The following NSMCE2 variants were observed in gnomAD, a reference collection of about 807,000 sequenced individuals.
NSMCE2 encodes NSE2 SUMO ligase component of SMC5/6 complex.
Under a neutral mutation model 23.8 loss-of-function variants are expected in NSMCE2, and 24 were observed. That is an observed-to-expected ratio of 1.01 (90% CI 0.73 to 1.42). The LOEUF (loss-of-function observed/expected upper bound fraction) is 1.42. Among genes scored for constraint, NSMCE2 ranks in the 40% most tolerant of loss-of-function variants. The pLI is 0.00. For missense variants in NSMCE2, 284 were observed against 296.5 expected, an observed-to-expected ratio of 0.96 and a Z score of 0.31; for synonymous variants, 92 against 94.1, an observed-to-expected ratio of 0.98 and a Z score of 0.13.
intron 5 of NSMCE2, chr8:125,182,879 T>C (rs1490245144): frequency 6.6e-6 from 1 of 152,274 alleles, no homozygotes; most frequent in Non-Finnish European, 1.5e-5. Flanking sequence ...TTTTAGACAG[T>C]ATTTACCAGA....
intron 3 of NSMCE2, among the ~76,000 whole-genome samples, chr8:125,118,576 T>C (rs190148626): frequency 2.0e-5 from 3 of 152,348 alleles, no homozygotes; most frequent in Admixed American, 6.5e-5. Context: ...ACACTTCTTA[T>C]GAAGTAGCTA....
At chr8:125,118,034 G>A (rs1034724801) in intron 3 of NSMCE2, among the ~76,000 whole-genome samples, 5 of 152,092 alleles carry the variant, frequency 3.3e-5, no homozygotes, top group Non-Finnish European at 7.3e-5. Flanking sequence ...AAACTTGAGG[G>A]TGCATCAGCA....
intron 5 of NSMCE2, among the ~76,000 whole-genome samples, chr8:125,353,756 G>A (rs1242067944): frequency 1.3e-5 from 2 of 151,728 alleles, no homozygotes; most frequent in African/African-American, 2.4e-5. Context: ...GGTGGTGGAC[G>A]CCTGTAGTCC....
intron 5 of NSMCE2, among the ~76,000 whole-genome samples, chr8:125,304,724 G>A (rs1828686601): frequency 6.6e-6 from 1 of 151,936 alleles, no homozygotes; most frequent in Non-Finnish European, 1.5e-5. Flanking sequence ...AGGCATGGTA[G>A]CATGGGCCTG....
At chr8:125,233,260 G>A (rs1274996538) in intron 5 of NSMCE2, among the ~76,000 whole-genome samples, 1 of 152,168 alleles carries the variant, frequency 6.6e-6, no homozygotes, top group Non-Finnish European at 1.5e-5. Flanking sequence ...TAATTTAGAA[G>A]TCAAAATCCA....
chr8:125,207,506 G>C (rs1424416024), intron 5 of NSMCE2, among the ~76,000 whole-genome samples: 1 of 151,668 alleles, frequency 6.6e-6, no homozygotes, highest in African/African-American at 2.4e-5. Context: ...ATTTTCAGTG[G>C]CTGTAGTTCA....
chr8:125,353,623 G>A (rs1475854051), intron 5 of NSMCE2, among the ~76,000 whole-genome samples: 2 of 152,142 alleles, frequency 1.3e-5, no homozygotes, highest in East Asian at 1.9e-4. Flanking sequence ...AGTGGCTCAC[G>A]CCTGTAATCC....
At chr8:125,215,917 T>G (rs1470726681) in intron 5 of NSMCE2, among the ~76,000 whole-genome samples, 1 of 152,240 alleles carries the variant, frequency 6.6e-6, no homozygotes, top group African/African-American at 2.4e-5. Flanking sequence ...ACCCTGTCTC[T>G]ACAAGAATTG....
chr8:125,182,241 G>T lies in NSMCE2; in HGVS notation c.403G>T (p.Glu135Ter). Residue 135 changes from glutamate (E) to a stop codon, truncating the protein, a stop_gained, in exon 5 of 8, where the codon GAA becomes TAA. Coordinates refer to ENST00000287437, the MANE Select transcript of NSMCE2 (RefSeq NM_173685.4). LOFTEE classifies it high-confidence loss of function. ...KFVQFKQQLK[E>*]LKKQCGLQAD... ...TGTACAGTTTAAACAACAGCTGAAA[G>T]AACTAAAGAAGCAATGTAAGTCAAC... 6.2e-7 allele frequency: 1 copy of T among 1,602,342 alleles called. No homozygotes were observed. The highest frequency in any genetic ancestry group is 8.5e-7 in the Non-Finnish European group (1 of 1,176,330).
At chr8:125,192,173 A>G (rs1351937288) in intron 5 of NSMCE2, among the ~76,000 whole-genome samples, 2 of 152,192 alleles carry the variant, frequency 1.3e-5, no homozygotes, top group African/African-American at 4.8e-5. Flanking sequence ...TAAGTGTCCC[A>G]GAGATGATGT....
chr8:125,176,886 C>T (rs1416218907), intron 4 of NSMCE2, among the ~76,000 whole-genome samples: 1 of 152,208 alleles, frequency 6.6e-6, no homozygotes, highest in African/African-American at 2.4e-5. Context: ...ACACAGTCCT[C>T]ACCACTTCCT....
chr8:125,156,223 C>T (rs1017226979), intron 4 of NSMCE2: 2 of 176,368 alleles, frequency 1.1e-5, no homozygotes, highest in Non-Finnish European at 2.4e-5. Flanking sequence ...TTATTATGAT[C>T]CTTAGTTGTG....
At chr8:125,358,098 C>T (rs1164408077) in intron 7 of NSMCE2, among the ~76,000 whole-genome samples, 2 of 152,044 alleles carry the variant, frequency 1.3e-5, no homozygotes, top group Admixed American at 6.6e-5. Flanking sequence ...TTTGGGAAGC[C>T]GAGGTGGGCA....
At chr8:125,140,395 G>T (rs975245678) in intron 3 of NSMCE2, among the ~76,000 whole-genome samples, 1 of 152,206 alleles carries the variant, frequency 6.6e-6, no homozygotes, top group Non-Finnish European at 1.5e-5. Flanking sequence ...AGGCACAGTG[G>T]CTCACGCCTG....
chr8:125,186,257 A>G (rs1347305527), intron 5 of NSMCE2, among the ~76,000 whole-genome samples: 1 of 152,210 alleles, frequency 6.6e-6, no homozygotes, highest in Non-Finnish European at 1.5e-5. Context: ...GTACTGTCAC[A>G]CTGTCATGGC....
chr8:125,296,507 G>A (rs1261652234), intron 5 of NSMCE2, among the ~76,000 whole-genome samples: 2 of 148,096 alleles, frequency 1.4e-5, no homozygotes, highest in Admixed American at 7.0e-5. Flanking sequence ...TGATTCTCCT[G>A]CCTCAGCCTC....
chr8:125,324,827 G>A (rs1829596134), intron 5 of NSMCE2, among the ~76,000 whole-genome samples: 1 of 115,428 alleles, frequency 8.7e-6, no homozygotes, highest in Non-Finnish European at 2.1e-5. Context: ...GCCCGCCTCG[G>A]CCTCCCAAAG....
At chr8:125,200,270 G>A (rs1393542123) in intron 5 of NSMCE2, among the ~76,000 whole-genome samples, 3 of 152,152 alleles carry the variant, frequency 2.0e-5, no homozygotes, top group Admixed American at 2.0e-4. Context: ...TCCTAGCCTC[G>A]ATGGTCTTTA....
intron 5 of NSMCE2, among the ~76,000 whole-genome samples, chr8:125,189,865 A>T (rs1488655683): frequency 2.0e-5 from 3 of 152,216 alleles, no homozygotes; most frequent in African/African-American, 7.2e-5. Flanking sequence ...ACATTTTTTA[A>T]TATCACAGAA....
Sources: allele counts gnomAD v4.1 joint callset (sites outside exome capture counted in the v4.1 genomes callset), GRCh38; gene constraint gnomAD v4.1.1; transcripts MANE v1.5; gene names NCBI Gene and HGNC (gene_info 2026-07-23, HGNC 2026-07-21).